The following SLC9C1 variants were observed in gnomAD, a reference collection of about 807,000 sequenced individuals.
SLC9C1 encodes solute carrier family 9 member C1.
Under a neutral mutation model 140.9 loss-of-function variants are expected in SLC9C1, and 97 were observed. The observed-to-expected ratio is 0.69, with a 90% CI of 0.58 to 0.82. SLC9C1 has a LOEUF of 0.82. Among genes scored for constraint, SLC9C1 ranks in the 40% least tolerant of loss-of-function variants. The probability of loss-of-function intolerance (pLI) is 0.00; values close to 1 mark genes in which losing one functional copy is unlikely to be tolerated. For missense variants in SLC9C1, 1,340 were observed against 1,389.3 expected (o/e 0.96, Z 0.56); for synonymous variants, 440 against 442.6 (o/e 0.99, Z 0.07).
At chr3:112,177,149 G>C (rs1470102727) in intron 23 of SLC9C1, among the ~76,000 whole-genome samples, 2 of 151,886 alleles carry the variant, frequency 1.3e-5, no homozygotes, top group Non-Finnish European at 2.9e-5. Flanking sequence ...TGGGATTACA[G>C]GTGTGCACCA....
intron 15 of SLC9C1, among the ~76,000 whole-genome samples, chr3:112,212,759 G>A (rs1325163549): frequency 2.6e-5 from 4 of 152,190 alleles, no homozygotes; most frequent in Non-Finnish European, 4.4e-5. Context: ...CAGGGAGAAT[G>A]GAATCAAGTT....
At chr3:112,251,961 G>T (rs1294515653) in intron 10 of SLC9C1, among the ~76,000 whole-genome samples, 1 of 152,162 alleles carries the variant, frequency 6.6e-6, no homozygotes, top group Non-Finnish European at 1.5e-5. Context: ...TGCCACTTTT[G>T]CTGGGAAGCC....
At chr3:112,175,180 G>T (rs2077312818) in intron 23 of SLC9C1, among the ~76,000 whole-genome samples, 1 of 152,220 alleles carries the variant, frequency 6.6e-6, no homozygotes, top group Admixed American at 6.5e-5. Context: ...CCATGTAATA[G>T]TCTGGCCACT....
In SLC9C1 at chr3:112,284,990, T is replaced by TTTC. The variant is rs1328027194; in HGVS notation, c.88+1713_88+1714insGAA. Among the ~76,000 whole-genome samples the TTTC allele has an allele frequency of 8.0e-5, 11 of 137,170 alleles. 2 individuals carry two copies. The highest frequency in any genetic ancestry group is 1.3e-4 in the Non-Finnish European group (8 of 63,344). 90.0% of individuals were successfully genotyped at this position (137,170 alleles called of 152,430 possible). On this transcript the variant is annotated intron_variant, in intron 2 of 28. Transcript: ENST00000305815. Reference sequence around the variant, plus strand: ...TAGAAAAAAATACAATTTTTCTTTTTTTTTTTTTTTTTTTGAGACAGAGTC... The same window carrying TTTC: ...TAGAAAAAAATACAATTTTTCTTTTTTTCTTTTTTTTTTTTTTGAGACAGAGTC...
intron 27 of SLC9C1, among the ~76,000 whole-genome samples, chr3:112,153,165 T>G (rs755611849): frequency 1.3e-5 from 2 of 152,158 alleles, no homozygotes; most frequent in Non-Finnish European, 2.9e-5. Context: ...ATGATTTTCT[T>G]TATATGTCTT....
chr3:112,223,972 C>T (rs1469148884), intron 13 of SLC9C1, among the ~76,000 whole-genome samples: 1 of 152,134 alleles, frequency 6.6e-6, no homozygotes, highest in African/African-American at 2.4e-5. Context: ...GCTAACCAGC[C>T]CCTTGCTTCC....
intron 26 of SLC9C1, among the ~76,000 whole-genome samples, chr3:112,158,838 T>C (rs1312753604): frequency 6.6e-6 from 1 of 151,984 alleles, no homozygotes; most frequent in Non-Finnish European, 1.5e-5. Context: ...GATGATCCTT[T>C]GTATTTCTGT....
At chr3:112,270,609 AGT>A (rs1236139023) in intron 6 of SLC9C1, among the ~76,000 whole-genome samples, 3 of 152,212 alleles carry the variant, frequency 2.0e-5, no homozygotes, top group African/African-American at 7.2e-5. Context: ...TGAGGCCAGG[AGT>A]TTGAGACCAG....
Position 112,204,216 on chromosome 3 carries a change from A to T in SLC9C1, c.2172+2T>A. On this transcript the variant is annotated splice_donor_variant, in intron 17 of 28. Coordinates refer to ENST00000305815, the MANE Select transcript of SLC9C1 (RefSeq NM_183061.3). LOFTEE classifies it high-confidence loss of function. ...AAATTGCACGATTTACTGGTTCTTT[A>T]CCTTGAAAATGCGTAGTATACGAAA... is the stretch of plus-strand genomic sequence containing the variant. The T allele has an allele frequency of 6.8e-7, 1 of 1,475,816 alleles. No individual in the cohort carries two copies. Among genetic ancestry groups the T allele is most frequent in the Non-Finnish European group, 8.9e-7 (1 of 1,118,362 alleles). 91.4% of individuals were successfully genotyped at this position (1,475,816 alleles called of 1,614,324 possible).
chr3:112,255,109 G>A (rs1462533696), intron 10 of SLC9C1, among the ~76,000 whole-genome samples: 1 of 152,090 alleles, frequency 6.6e-6, no homozygotes, highest in Non-Finnish European at 1.5e-5. Context: ...CCTACAAAGA[G>A]ACTTATACTC....
intron 27 of SLC9C1, among the ~76,000 whole-genome samples, chr3:112,152,226 G>A (rs1419457564): frequency 6.6e-6 from 1 of 152,170 alleles, no homozygotes; most frequent in African/African-American, 2.4e-5. Context: ...GGGGGATGTG[G>A]CAGGACTATA....
intron 16 of SLC9C1, 44 bp downstream of exon 16, chr3:112,208,134 G>T: frequency 2.8e-6 from 4 of 1,413,982 alleles, no homozygotes; most frequent in Non-Finnish European, 3.8e-6. Flanking sequence ...AAATCTCCCT[G>T]TCAGACATAT....
At chr3:112,181,612 T>C (rs982258056) in intron 21 of SLC9C1, among the ~76,000 whole-genome samples, 3 of 152,174 alleles carry the variant, frequency 2.0e-5, no homozygotes, top group African/African-American at 7.2e-5. Context: ...TGTAATGTAA[T>C]GTACTTAATG....
chr3:112,216,450 A>C (rs974392666), intron 15 of SLC9C1, among the ~76,000 whole-genome samples: 92 of 152,040 alleles, frequency 6.1e-4, no homozygotes, highest in Non-Finnish European at 9.6e-4. Context: ...TTTTTGCAAT[A>C]TACCCATCTG....
intron 2 of SLC9C1, among the ~76,000 whole-genome samples, chr3:112,281,559 T>C (rs1257020259): frequency 1.3e-5 from 2 of 152,184 alleles, no homozygotes; most frequent in African/African-American, 4.8e-5. Flanking sequence ...GGAATTGTAC[T>C]CTCAGAGATT....
rs377692779 is a variant in SLC9C1, at chr3:112,233,137, C to T, written c.1447-1651G>A. Among the ~76,000 whole-genome samples the T allele has an allele frequency of 1.5e-3, 223 of 150,856 alleles. 2 individuals carry two copies. The highest frequency in any genetic ancestry group is 5.2e-3 in the African/African-American group (215 of 41,130). ...AGGCTGGAGTGCAGTGGCACAATCA[C>T]GGTTCACCACAGCCTCAACCTCCCA... is the stretch of plus-strand genomic sequence containing the variant. On this transcript the variant is annotated intron_variant, in intron 12 of 28. Coordinates refer to ENST00000305815, the MANE Select transcript of SLC9C1 (RefSeq NM_183061.3).
intron 17 of SLC9C1, among the ~76,000 whole-genome samples, chr3:112,203,038 A>C (rs2077948172): frequency 6.6e-6 from 1 of 152,038 alleles, no homozygotes; most frequent in Non-Finnish European, 1.5e-5. Context: ...TTCAAGATTC[A>C]GCTCAAGTAT....
intron 20 of SLC9C1, among the ~76,000 whole-genome samples, chr3:112,194,806 T>C (rs1264689093): frequency 6.6e-6 from 1 of 151,750 alleles, no homozygotes; most frequent in African/African-American, 2.4e-5. Flanking sequence ...ATATTTTCTT[T>C]TTTTTTTTTG....
chr3:112,212,369 G>T (rs2078232035), intron 15 of SLC9C1, among the ~76,000 whole-genome samples: 1 of 152,212 alleles, frequency 6.6e-6, no homozygotes, highest in Non-Finnish European at 1.5e-5. Flanking sequence ...TGACTTTGAT[G>T]AGTTGAGAGA....
Sources: gnomAD v4.1 joint callset for allele counts (sites outside exome capture counted in the v4.1 genomes callset) on GRCh38, gnomAD v4.1.1 for gene constraint, MANE v1.5 for transcripts, NCBI Gene and HGNC (gene_info 2026-07-23, HGNC 2026-07-21) for gene names.